The following KLHL38 variants were observed in gnomAD, a reference collection of about 807,000 sequenced individuals.
KLHL38 encodes the protein kelch like family member 38.
Under a neutral mutation model 39.6 loss-of-function variants are expected in KLHL38, and 38 were observed. The observed-to-expected ratio is 0.96, with a 90% CI of 0.74 to 1.26. The LOEUF is 1.26. Ranked by LOEUF, KLHL38 falls within the 50% of genes most tolerant of loss-of-function variation. The probability of loss-of-function intolerance (pLI) is 0.00; values close to 1 mark genes in which losing one functional copy is unlikely to be tolerated. For missense variants in KLHL38, 803 were observed against 748.1 expected, an observed-to-expected ratio of 1.07 and a Z score of -0.86; for synonymous variants, 322 against 302.2, an observed-to-expected ratio of 1.07 and a Z score of -0.68.
intron 2 of KLHL38, among the ~76,000 whole-genome samples, chr8:123,651,025 G>A (rs1187946202): frequency 6.6e-6 from 1 of 152,200 alleles, no homozygotes; most frequent in Non-Finnish European, 1.5e-5. Flanking sequence ...ATCAAATGAA[G>A]ATAAACTCTG....
rs750574787 is a variant in KLHL38 at position 123,651,600 on chromosome 8, G to C, written c.1327C>G (p.Gln443Glu). ...ACCTGGATAAGGCGCACAGGGTTCT[G>C]CATGATGTCCTCTCCTCCAAAGAGA... ...LYLFGGEDIMQNPVRLIQVYH... is the reference protein window; with the variant it reads ...LYLFGGEDIMENPVRLIQVYH... The change falls in exon 2 of 4, where the codon CAG becomes GAG. Residue 443 changes from glutamine to glutamate, a missense_variant. Physicochemically the swap from Gln to Glu is conservative, Grantham distance 29. Transcript: ENST00000684634. 2.8e-5 allele frequency: 44 copies of C among 1,595,990 alleles called. No individual in the cohort carries two copies. Among genetic ancestry groups the C allele is most frequent in the Non-Finnish European group, 3.6e-5 (42 of 1,173,710 alleles).
chr8:123,650,576 A>G (rs62518569), intron 2 of KLHL38, among the ~76,000 whole-genome samples: 24,954 of 151,990 alleles, frequency 0.16, 2,266 homozygotes, highest in South Asian at 0.27. Flanking sequence ...CATCTCGTGG[A>G]TGCTTCTGAT....
rs567413528 is a variant in KLHL38 at position 123,650,330 on chromosome 8, T to A, written c.1350+1247A>T. ...AGCTAAAAAAAATCGCTAAAAAAAA[T>A]CTCATCATGTTTTAAAGTTTATGAA... On this transcript the variant is annotated intron_variant, in intron 2 of 3. Coordinates refer to ENST00000684634, the MANE Select transcript of KLHL38 (RefSeq NM_001081675.3). Among the ~76,000 whole-genome samples the A allele has an allele frequency of 9.2e-5, 14 of 152,116 alleles. No homozygotes were observed. In the South Asian group the frequency reaches 2.9e-3, roughly 32 times the overall value.
intron 1 of KLHL38, 45 bp from the exon 2 acceptor site, chr8:123,652,972 C>A: frequency 6.5e-7 from 1 of 1,532,570 alleles, no homozygotes; most frequent in Non-Finnish European, 8.7e-7. Flanking sequence ...AGAGTCAAAC[C>A]TTTCTCAGCT....
At chr8:123,649,730 G>A (rs1162537175) in intron 2 of KLHL38, among the ~76,000 whole-genome samples, 6 of 152,208 alleles carry the variant, frequency 3.9e-5, no homozygotes, top group Admixed American at 2.6e-4. Flanking sequence ...GGGCTCAGGG[G>A]TTGCGATGTG....
intron 2 of KLHL38, among the ~76,000 whole-genome samples, chr8:123,649,901 G>A (rs1294827278): frequency 1.3e-5 from 2 of 152,132 alleles, no homozygotes; most frequent in African/African-American, 4.8e-5. Context: ...GCCATGGGCT[G>A]CACCTGTTTG....
At chr8:123,648,787 T>C (rs762204109) in intron 2 of KLHL38, among the ~76,000 whole-genome samples, 17 of 152,140 alleles carry the variant, frequency 1.1e-4, no homozygotes, top group African/African-American at 3.1e-4. Flanking sequence ...TACAGTGCGA[T>C]TTGCATCGTA....
At chr8:123,646,527 C>T (rs1416410688) in intron 3 of KLHL38, among the ~76,000 whole-genome samples, 1 of 152,198 alleles carries the variant, frequency 6.6e-6, no homozygotes, top group East Asian at 1.9e-4. Flanking sequence ...CCATCTGACC[C>T]CAATACCAGT....
intron 2 of KLHL38, among the ~76,000 whole-genome samples, chr8:123,647,347 GA>G (rs1035555024): frequency 6.1e-4 from 93 of 152,274 alleles, no homozygotes; most frequent in Non-Finnish European, 1.1e-3. Flanking sequence ...TGGGTATTCA[GA>G]AAACCAATGA....
chr8:123,648,046 A>C (rs1465187246), intron 2 of KLHL38, among the ~76,000 whole-genome samples: 1 of 152,208 alleles, frequency 6.6e-6, no homozygotes, highest in Admixed American at 6.5e-5. Flanking sequence ...ACACCACTGC[A>C]CTCTAGCCTG....
rs527280268 is a variant in KLHL38, at chr8:123,650,100, C to A, written c.1350+1477G>T. On this transcript the variant is annotated intron_variant, in intron 2 of 3. Transcript: ENST00000684634. ...CCTCCTCTTTTATTCTCCATCCCCA[C>A]CTTCCTCTCTCCTCTCCTGCCCCTC... Among the ~76,000 whole-genome samples, 3 of 150,154 alleles carry A rather than the reference C, an allele frequency of 2.0e-5. No homozygotes were observed. The East Asian group carries it at 5.9e-4, about 30-fold the overall frequency.
chr8:123,650,339 G>C (rs998515202), intron 2 of KLHL38, among the ~76,000 whole-genome samples: 10 of 152,138 alleles, frequency 6.6e-5, no homozygotes, highest in African/African-American at 2.2e-4. Flanking sequence ...ATCTCATCAT[G>C]TTTTAAAGTT....
At chr8:123,649,557 T>C (rs1349901739) in intron 2 of KLHL38, among the ~76,000 whole-genome samples, 3 of 152,216 alleles carry the variant, frequency 2.0e-5, no homozygotes, top group Non-Finnish European at 4.4e-5. Context: ...TCTAAAAATG[T>C]GAATGTGTTT....
intron 3 of KLHL38, 55 bp from the exon 4 acceptor site, chr8:123,646,083 G>C: frequency 6.6e-7 from 1 of 1,509,176 alleles, no homozygotes; most frequent in East Asian, 2.3e-5. Flanking sequence ...GGGACTGGAG[G>C]TCAGCAGTCC....
At chr8:123,650,423 G>T (rs1411677710) in intron 2 of KLHL38, among the ~76,000 whole-genome samples, 3 of 152,188 alleles carry the variant, frequency 2.0e-5, no homozygotes, top group African/African-American at 4.8e-5. Flanking sequence ...CTCTAGACTG[G>T]TTTAGGGCAT....
In KLHL38 at chr8:123,652,402, GAGCTC is replaced by G; in HGVS notation, c.520_524del (p.Glu174LeufsTer12). 1 of 1,614,100 alleles carries G rather than the reference GAGCTC, an allele frequency of 6.2e-7. No individual in the cohort carries two copies. The highest frequency in any genetic ancestry group is 8.5e-7 in the Non-Finnish European group (1 of 1,180,040). Reference sequence around the variant, plus strand: ...GATAGTCCCTCAACTCCAAGGCACAGAGCTCCTTCAGGTCGGCCGATGCGGCCACC... The same window carrying G: ...GATAGTCCCTCAACTCCAAGGCACAGCTTCAGGTCGGCCGATGCGGCCACC... On this transcript the variant is annotated frameshift_variant, in exon 2 of 4. Transcript: ENST00000684634. LOFTEE classifies it high-confidence loss of function.
In KLHL38 at chr8:123,645,817, C is replaced by T; in HGVS notation, c.1668G>A (p.Gln556=). The change falls in exon 4 of 4, where the codon CAG becomes CAA. Residue 556 remains glutamine, a synonymous_variant. Transcript: ENST00000684634. ...YDPETDTWTS[Q]GQLPHKLFDH... ...CAAAGAGCTTGTGCGGCAGCTGTCC[C>T]TGGGATGTCCAGGTGTCCGTCTCGG... 5 of 1,613,728 alleles carry T rather than the reference C, an allele frequency of 3.1e-6. No individual in the cohort carries two copies. Among genetic ancestry groups the T allele is most frequent in the Non-Finnish European group, 4.2e-6 (5 of 1,179,946 alleles).
rs1411512324 is a variant in KLHL38, at chr8:123,652,860, G to A, written c.67C>T (p.Gln23Ter). ...DHDFSSDLLR[Q>*]LNSLRQSRIL... ...CTGCTTTGCCTTAAGCTGTTGAGCTGCCTCAACAAGTCAGAAGAGAAGTCG... is the reference window on the plus strand; with the variant it reads ...CTGCTTTGCCTTAAGCTGTTGAGCTACCTCAACAAGTCAGAAGAGAAGTCG... The change falls in exon 2 of 4, where the codon CAG (glutamine) becomes TAG (stop). Residue 23 changes from glutamine to a stop codon, truncating the protein, a stop_gained. Coordinates refer to ENST00000684634, the MANE Select transcript of KLHL38 (RefSeq NM_001081675.3). LOFTEE classifies it high-confidence loss of function. The A allele has an allele frequency of 6.2e-7, 1 of 1,607,456 alleles. No homozygotes were observed. The highest frequency in any genetic ancestry group is 1.7e-5 in the Admixed American group (1 of 60,030).
Position 123,645,164 on chromosome 8 carries a change from C to T in KLHL38, c.*575G>A, listed in dbSNP as rs1371523998. 1.3e-5 allele frequency among the ~76,000 whole-genome samples: 2 copies of T among 151,760 alleles called. No individual in the cohort carries two copies. Among genetic ancestry groups the T allele is most frequent in the African/African-American group, 4.8e-5 (2 of 41,328 alleles). On this transcript the variant is annotated 3_prime_UTR_variant, in exon 4 of 4. Coordinates refer to ENST00000684634, the MANE Select transcript of KLHL38 (RefSeq NM_001081675.3). Reference sequence around the variant, plus strand: ...TGAGACAGAAAGGAGACAGGCCAGGCGTGGTGGCTCACGCCTGTAATCTCA... The same window carrying T: ...TGAGACAGAAAGGAGACAGGCCAGGTGTGGTGGCTCACGCCTGTAATCTCA...
Sources: allele counts gnomAD v4.1 joint callset (sites outside exome capture counted in the v4.1 genomes callset), GRCh38; gene constraint gnomAD v4.1.1; transcripts MANE v1.5; gene names NCBI Gene and HGNC (gene_info 2026-07-23, HGNC 2026-07-21).